ADAM22: variants seen among roughly 807,000 people sequenced by gnomAD.
The protein encoded by ADAM22 is disintegrin and metalloproteinase domain-containing protein 22.
A neutral mutation model predicts 144.6 loss-of-function variants in ADAM22; 65 were observed. That is an observed-to-expected ratio of 0.45 (90% CI 0.37 to 0.55). ADAM22 has a LOEUF of 0.55. Among genes scored for constraint, ADAM22 ranks in the 20% least tolerant of loss-of-function variants. The pLI is 0.00. For synonymous variants in ADAM22, 391 were observed against 412.6 expected, an observed-to-expected ratio of 0.95 and a Z score of 0.63; for missense variants, 974 against 1,184.9, an observed-to-expected ratio of 0.82 and a Z score of 2.61.
intron 2 of ADAM22, among the ~76,000 whole-genome samples, chr7:87,970,618 G>A (rs147801268): frequency 0.014 from 2,064 of 152,206 alleles, 40 homozygotes; most frequent in African/African-American, 0.047. Flanking sequence ...GTCTTAAAAA[G>A]TTCCTTTGTG....
intron 3 of ADAM22, among the ~76,000 whole-genome samples, chr7:88,059,462 C>T (rs1420444757): frequency 6.6e-6 from 1 of 152,144 alleles, no homozygotes; most frequent in Non-Finnish European, 1.5e-5. Flanking sequence ...ATTGAGAGTT[C>T]AATTCCAAAC....
chr7:88,043,733 C>T (rs1803775106), intron 3 of ADAM22, among the ~76,000 whole-genome samples: 1 of 151,942 alleles, frequency 6.6e-6, no homozygotes, highest in South Asian at 2.1e-4. Flanking sequence ...AAAATGTATA[C>T]TTAAAAATTT....
intron 3 of ADAM22, among the ~76,000 whole-genome samples, chr7:88,000,641 TTTCAG>T (rs1405094489): frequency 6.6e-6 from 1 of 152,162 alleles, no homozygotes; most frequent in Non-Finnish European, 1.5e-5. Context: ...AATCTTGGTT[TTTCAG>T]GACCAACTTT....
intron 2 of ADAM22, among the ~76,000 whole-genome samples, chr7:87,945,667 C>T (rs913885763): frequency 1.3e-5 from 2 of 151,886 alleles, no homozygotes; most frequent in African/African-American, 4.8e-5. Context: ...CGCCTGCCAC[C>T]GCACCCAGCT....
At chr7:88,130,287 T>TTAA in intron 9 of ADAM22, 101 bp from the exon 10 acceptor site, 1 of 885,302 alleles carries the variant, frequency 1.1e-6, no homozygotes, top group Non-Finnish European at 1.7e-6. Flanking sequence ...TTTTTTTTTT[T>TTAA]ACATTTTTAG....
chr7:88,107,774 T>C (rs1004564680), intron 4 of ADAM22, among the ~76,000 whole-genome samples: 1 of 151,054 alleles, frequency 6.6e-6, no homozygotes, highest in African/African-American at 2.4e-5. Context: ...TTTTTTTTTG[T>C]AGAGACAGGG....
At chr7:88,132,760 A>G (rs1586027822) in intron 11 of ADAM22, 107 bp from the exon 12 acceptor site, 2 of 843,056 alleles carry the variant, frequency 2.4e-6, no homozygotes, top group Non-Finnish European at 3.8e-6. Context: ...AATATATTGT[A>G]TAGAAATCTT....
At chr7:88,070,192 A>G (rs747339478) in intron 3 of ADAM22, among the ~76,000 whole-genome samples, 4 of 152,140 alleles carry the variant, frequency 2.6e-5, no homozygotes, top group Non-Finnish European at 5.9e-5. Context: ...CCACATCCAC[A>G]GATCTTTTTG....
chr7:88,024,467 T>C (rs1798528238), intron 3 of ADAM22, among the ~76,000 whole-genome samples: 1 of 152,228 alleles, frequency 6.6e-6, no homozygotes, highest in East Asian at 1.9e-4. Context: ...TTCATATGCC[T>C]GTTTGCCATT....
At chr7:88,054,452 A>G (rs977150325) in intron 3 of ADAM22, among the ~76,000 whole-genome samples, 5 of 152,114 alleles carry the variant, frequency 3.3e-5, no homozygotes, top group African/African-American at 9.7e-5. Context: ...GTTCCACCAC[A>G]GCTCCCTCCA....
intron 4 of ADAM22, among the ~76,000 whole-genome samples, chr7:88,080,262 A>T (rs1427817063): frequency 6.6e-6 from 1 of 152,198 alleles, no homozygotes; most frequent in Non-Finnish European, 1.5e-5. Flanking sequence ...TACATAATGA[A>T]ATGAAGGCAG....
chr7:88,175,320 G>A (rs1220984626), intron 26 of ADAM22, among the ~76,000 whole-genome samples: 2 of 152,104 alleles, frequency 1.3e-5, no homozygotes, highest in Non-Finnish European at 2.9e-5. Context: ...GCATAGTATT[G>A]TAGACCTGGA....
At chr7:88,121,118 C>T (rs575387881) in intron 7 of ADAM22, among the ~76,000 whole-genome samples, 2 of 152,028 alleles carry the variant, frequency 1.3e-5, no homozygotes, top group South Asian at 2.1e-4. Context: ...TTTGGCTACC[C>T]TTATCACACT....
chr7:88,175,916 G>T (rs545580120), intron 26 of ADAM22, among the ~76,000 whole-genome samples: 31 of 152,212 alleles, frequency 2.0e-4, no homozygotes, highest in African/African-American at 7.5e-4. Flanking sequence ...ATTAATAATT[G>T]TAAAAAAGAC....
In ADAM22 at chr7:88,191,655, C is replaced by A. The variant is rs979849539; in HGVS notation, c.2751-1461C>A. Reference sequence around the variant, plus strand: ...TTCTTAATTAAAAAAATATGAAGTACATTGCTTTAATAGAACTTTAGAGAA... The same window carrying A: ...TTCTTAATTAAAAAAATATGAAGTAAATTGCTTTAATAGAACTTTAGAGAA... On this transcript the variant is annotated intron_variant, in intron 30 of 31. Coordinates refer to ENST00000413139, the MANE Select transcript of ADAM22 (RefSeq NM_001324418.2). 9.2e-5 allele frequency among the ~76,000 whole-genome samples: 14 copies of A among 152,164 alleles called. No individual in the cohort carries two copies. In the South Asian group the frequency reaches 1.9e-3, roughly 20 times the overall value.
At chr7:88,024,825 G>C (rs1024928076) in intron 3 of ADAM22, among the ~76,000 whole-genome samples, 1 of 151,566 alleles carries the variant, frequency 6.6e-6, no homozygotes, top group Non-Finnish European at 1.5e-5. Flanking sequence ...CCTTGCGATA[G>C]TTTGCTGAGA....
chr7:88,181,634 T>C, intron 28 of ADAM22, 29 bp downstream of exon 28: 5 of 1,580,758 alleles, frequency 3.2e-6, no homozygotes, highest in Non-Finnish European at 4.3e-6. Flanking sequence ...AATCTGTCTG[T>C]CCACATAATC....
intron 8 of ADAM22, among the ~76,000 whole-genome samples, chr7:88,127,683 A>C (rs1830745439): frequency 6.6e-6 from 1 of 151,960 alleles, no homozygotes; most frequent in South Asian, 2.1e-4. Context: ...GCAACACTCA[A>C]AACAAACATA....
At chr7:87,974,567 C>T (rs1851433895) in intron 2 of ADAM22, among the ~76,000 whole-genome samples, 1 of 152,148 alleles carries the variant, frequency 6.6e-6, no homozygotes, top group Non-Finnish European at 1.5e-5. Context: ...TTTAGCCAAA[C>T]TGTGGAGGAA....
Sources: allele counts gnomAD v4.1 joint callset (sites outside exome capture counted in the v4.1 genomes callset), GRCh38; gene constraint gnomAD v4.1.1; transcripts MANE v1.5; gene names NCBI Gene and HGNC (gene_info 2026-07-23, HGNC 2026-07-21).